Variants in GNL3L observed in about 807,000 individuals in gnomAD.
The protein encoded by GNL3L is guanine nucleotide-binding protein-like 3-like protein.
GNL3L carries 4 observed loss-of-function variants against 42.9 expected under a neutral mutation model. That is an observed-to-expected ratio of 0.09 (90% CI 0.05 to 0.21). The LOEUF (loss-of-function observed/expected upper bound fraction) is 0.21. Among genes scored for constraint, GNL3L ranks in the 10% least tolerant of loss-of-function variants. The pLI, the probability that GNL3L is intolerant of heterozygous loss-of-function variation, is 1.00. For synonymous variants in GNL3L, 159 were observed against 176.3 expected, an observed-to-expected ratio of 0.90 and a Z score of 0.78; for missense variants, 412 against 481.7, an observed-to-expected ratio of 0.86 and a Z score of 1.36.
intron 16 of GNL3L, among the ~76,000 whole-genome samples, chrX:54,579,096 A>G (rs1345773333): frequency 1.8e-5 from 2 of 112,005 alleles, no homozygotes; most frequent in Non-Finnish European, 3.8e-5. Context: ...TTTGTGAATT[A>G]TTTATATATT....
rs367719861 is a variant in GNL3L at position 54,554,531 on chromosome X, C to T, written c.1319-34C>T. On this transcript the variant is annotated intron_variant, in intron 13 of 15. Transcript: ENST00000360845. ...CAGGGGGCTGGCAACAGAGGGGAGCCAGGGCCCTGACAGTGGTGTTGGTTG... is the reference window on the plus strand; with the variant it reads ...CAGGGGGCTGGCAACAGAGGGGAGCTAGGGCCCTGACAGTGGTGTTGGTTG... 12 of 1,196,354 alleles carry T rather than the reference C, an allele frequency of 1.0e-5. No individual in the cohort carries two copies. In the African/African-American group the frequency reaches 2.1e-4, roughly 21 times the overall value.
intron 14 of GNL3L, among the ~76,000 whole-genome samples, chrX:54,558,037 C>T (rs1925149776): frequency 9.0e-6 from 1 of 110,764 alleles, no homozygotes; most frequent in African/African-American, 3.3e-5. Context: ...GCGTGTGCCA[C>T]CATTCCCAGC....
intron 16 of GNL3L, among the ~76,000 whole-genome samples, chrX:54,599,524 T>G (rs867727351): frequency 8.9e-6 from 1 of 111,745 alleles, no homozygotes; most frequent in Non-Finnish European, 1.9e-5. Context: ...TGCCTTTGGT[T>G]TCAGCAGTTT....
At chrX:54,534,178 G>C (rs987094775) in intron 2 of GNL3L, among the ~76,000 whole-genome samples, 1 of 97,174 alleles carries the variant, frequency 1.0e-5, no homozygotes, top group Non-Finnish European at 2.1e-5. Flanking sequence ...ACCACACCTG[G>C]TTTTTTTTTT....
At chrX:54,531,702 T>C (rs775873455) in intron 1 of GNL3L, among the ~76,000 whole-genome samples, 1 of 111,364 alleles carries the variant, frequency 9.0e-6, no homozygotes, top group Non-Finnish European at 1.9e-5. Flanking sequence ...GAATCAGGCA[T>C]ATCGATCCTG....
At chrX:54,538,084 G>A (rs980308781) in intron 2 of GNL3L, among the ~76,000 whole-genome samples, 2 of 110,792 alleles carry the variant, frequency 1.8e-5, no homozygotes, top group African/African-American at 3.3e-5. Flanking sequence ...ATACGAATAC[G>A]GGAGGCTGAG....
intron 16 of GNL3L, among the ~76,000 whole-genome samples, chrX:54,590,278 A>G (rs1925851166): frequency 8.9e-6 from 1 of 112,179 alleles, no homozygotes; most frequent in Non-Finnish European, 1.9e-5. Flanking sequence ...ATCTCATTGT[A>G]GTTTTGATTT....
intron 14 of GNL3L, among the ~76,000 whole-genome samples, chrX:54,556,429 C>G (rs182766186): frequency 1.8e-5 from 2 of 110,838 alleles, no homozygotes; most frequent in Non-Finnish European, 3.8e-5. Flanking sequence ...TGGTCTCTCC[C>G]TTGACATGTA....
intron 2 of GNL3L, among the ~76,000 whole-genome samples, chrX:54,538,426 A>G (rs1382046759): frequency 8.9e-6 from 1 of 112,018 alleles, no homozygotes; most frequent in Admixed American, 9.6e-5. Context: ...CAATAGGCCA[A>G]CTGTGAACGG....
intron 16 of GNL3L, among the ~76,000 whole-genome samples, chrX:54,572,839 G>A (rs1225486731): frequency 9.3e-6 from 1 of 108,075 alleles, no homozygotes; most frequent in African/African-American, 3.4e-5. Flanking sequence ...CGGGGCGGCC[G>A]GGCAGAGACG....
intron 16 of GNL3L, among the ~76,000 whole-genome samples, chrX:54,596,201 C>A (rs746795605): frequency 3.2e-4 from 36 of 111,484 alleles, no homozygotes; most frequent in Middle Eastern, 9.3e-3. Context: ...TTGTTTGTAC[C>A]CATCTTTCTT....
chrX:54,561,903 A>G lies in GNL3L; in HGVS notation c.*1301A>G, dbSNP rs1925282610. Among the ~76,000 whole-genome samples the G allele has an allele frequency of 8.9e-6, 1 of 111,912 alleles. No homozygotes were observed. Among genetic ancestry groups the G allele is most frequent in the Non-Finnish European group, 1.9e-5 (1 of 53,126 alleles). On this transcript the variant is annotated 3_prime_UTR_variant, in exon 16 of 16. Transcript: ENST00000360845. ...CAAGCAGTGCCAGAGGCCCTCAGAA[A>G]GGGATTAGGGTAGATGATTGCAACT... is the stretch of plus-strand genomic sequence containing the variant.
At chrX:54,620,815 T>C (rs1926278242) in intron 16 of GNL3L, among the ~76,000 whole-genome samples, 1 of 112,195 alleles carries the variant, frequency 8.9e-6, no homozygotes, top group African/African-American at 3.2e-5. Context: ...GCCTGTCTTT[T>C]GGTTAAAAGC....
At chrX:54,623,959 C>T (rs1293906004), downstream of GNL3L, among the ~76,000 whole-genome samples, 2 of 108,623 alleles carry the variant, frequency 1.8e-5, no homozygotes, top group Non-Finnish European at 3.8e-5. Flanking sequence ...CTCACTCTGT[C>T]ACCCTGGCTG....
chrX:54,562,582 A>G lies in GNL3L; in HGVS notation c.*1980A>G, dbSNP rs758910750. 3.5e-4 allele frequency among the ~76,000 whole-genome samples: 39 copies of G among 110,843 alleles called. No individual in the cohort carries two copies. Among genetic ancestry groups the G allele is most frequent in the African/African-American group, 1.2e-3 (37 of 30,468 alleles). Reference sequence around the variant, plus strand: ...GACCCATTACCACCGTTAACCCTCAATACAGCTCTGCTAGTAAGGGATTCG... The same window carrying G: ...GACCCATTACCACCGTTAACCCTCAGTACAGCTCTGCTAGTAAGGGATTCG... On this transcript the variant is annotated 3_prime_UTR_variant, in exon 16 of 16. Transcript: ENST00000360845.
the GNL3L span, among the ~76,000 whole-genome samples, chrX:54,638,245 C>A: frequency 2.7e-5 from 3 of 111,136 alleles, no homozygotes; most frequent in Admixed American, 9.6e-5. Flanking sequence ...CTGACAAGAT[C>A]CTGGGTGCCA....
chrX:54,626,607 T>C, the GNL3L span, among the ~76,000 whole-genome samples: 1 of 111,947 alleles, frequency 8.9e-6, no homozygotes, highest in Non-Finnish European at 1.9e-5. Context: ...ACATGGTTTT[T>C]TATGTCTGCA....
intron 16 of GNL3L, among the ~76,000 whole-genome samples, chrX:54,615,818 C>T (rs1926214909): frequency 9.0e-6 from 1 of 110,514 alleles, no homozygotes; most frequent in Admixed American, 9.6e-5. Flanking sequence ...GATTCTCCTG[C>T]CTCAGCCTCC....
chrX:54,590,817 T>TATTC (rs770645508), intron 16 of GNL3L, among the ~76,000 whole-genome samples: 389 of 110,394 alleles, frequency 3.5e-3, no homozygotes, highest in East Asian at 0.018. Flanking sequence ...TTTATTTATT[T>TATTC]ATTCATTCAT....
Sources: allele counts gnomAD v4.1 joint callset (sites outside exome capture counted in the v4.1 genomes callset), GRCh38; gene constraint gnomAD v4.1.1; transcripts MANE v1.5; gene names NCBI Gene and HGNC (gene_info 2026-07-23, HGNC 2026-07-21).